The following PTPRG variants were observed in gnomAD, a reference collection of about 807,000 sequenced individuals.
The protein encoded by PTPRG is protein tyrosine phosphatase receptor type G.
A neutral mutation model predicts 165.3 loss-of-function variants in PTPRG; 102 were observed. The observed-to-expected ratio is 0.62, with a 90% CI of 0.53 to 0.73. The LOEUF (loss-of-function observed/expected upper bound fraction) is 0.73. Among genes scored for constraint, PTPRG ranks in the 30% least tolerant of loss-of-function variants. The pLI is 0.00. For synonymous variants in PTPRG, 675 were observed against 669.5 expected, an observed-to-expected ratio of 1.01 and a Z score of -0.13; for missense variants, 1,866 against 1,861.4, an observed-to-expected ratio of 1.00 and a Z score of -0.05.
chr3:62,265,896 T>TATATACACACACACACAC (rs1553662684), intron 17 of PTPRG, among the ~76,000 whole-genome samples: 1,801 of 130,568 alleles, frequency 0.014, 21 homozygotes, highest in African/African-American at 0.023. Flanking sequence ...GTGCCTTATA[T>TATATACACACACACACAC]ACACACACAC....
At chr3:61,739,027 G>C (rs1440398965) in intron 1 of PTPRG, 1 of 93,410 alleles carries the variant, frequency 1.1e-5, no homozygotes, top group African/African-American at 4.1e-5. Context: ...GTCTTGCTTT[G>C]TTGCCTAGAC....
intron 1 of PTPRG, among the ~76,000 whole-genome samples, chr3:61,675,465 T>TA (rs35166212): frequency 0.81 from 122,882 of 152,094 alleles, 49,774 homozygotes; most frequent in East Asian, 0.91. Context: ...AAAAGTTGAT[T>TA]AAAACATATC....
intron 2 of PTPRG, among the ~76,000 whole-genome samples, chr3:61,925,123 TC>T (rs2039176177): frequency 1.3e-5 from 2 of 152,230 alleles, no homozygotes; most frequent in South Asian, 4.1e-4. Flanking sequence ...TCATAGCGGC[TC>T]AAGGTGACTT....
chr3:61,936,601 T>C (rs2039490939), intron 2 of PTPRG, among the ~76,000 whole-genome samples: 1 of 152,144 alleles, frequency 6.6e-6, no homozygotes, highest in Admixed American at 6.5e-5. Context: ...GAGCAAGAGC[T>C]GTGTGTTGAG....
At chr3:61,830,699 C>A (rs749097308) in intron 2 of PTPRG, among the ~76,000 whole-genome samples, 10 of 151,328 alleles carry the variant, frequency 6.6e-5, no homozygotes, top group Non-Finnish European at 1.3e-4. Context: ...CTCAGCCTCC[C>A]GAGTAGCTGG....
intron 2 of PTPRG, among the ~76,000 whole-genome samples, chr3:61,980,278 G>A (rs1332411373): frequency 6.6e-6 from 1 of 152,174 alleles, no homozygotes; most frequent in Admixed American, 6.5e-5. Context: ...GATAACTTGA[G>A]CGGTGGCATG....
chr3:61,642,568 G>C (rs1338223310), intron 1 of PTPRG, among the ~76,000 whole-genome samples: 1 of 152,114 alleles, frequency 6.6e-6, no homozygotes, highest in Admixed American at 6.5e-5. Context: ...GTTCTCTGCA[G>C]ACTCCACCTG....
At chr3:61,938,773 T>C (rs1387874092) in intron 2 of PTPRG, among the ~76,000 whole-genome samples, 1 of 152,236 alleles carries the variant, frequency 6.6e-6, no homozygotes, top group Non-Finnish European at 1.5e-5. Flanking sequence ...AGTTGTCTTT[T>C]TTTCTAGGAG....
chr3:61,634,572 T>C (rs1701855698), intron 1 of PTPRG, among the ~76,000 whole-genome samples: 1 of 151,850 alleles, frequency 6.6e-6, no homozygotes, highest in Admixed American at 6.6e-5. Context: ...ACCATGAAGT[T>C]GTGTTGGATT....
intron 1 of PTPRG, among the ~76,000 whole-genome samples, chr3:61,625,686 C>T (rs1322259920): frequency 6.6e-6 from 1 of 152,064 alleles, no homozygotes; most frequent in East Asian, 1.9e-4. Flanking sequence ...GCCATTGGTG[C>T]CCTGGAGTAT....
intron 1 of PTPRG, among the ~76,000 whole-genome samples, chr3:61,571,739 C>T (rs202177777): frequency 6.6e-6 from 1 of 151,988 alleles, no homozygotes; most frequent in African/African-American, 2.4e-5. Context: ...TGTAGTAATG[C>T]GGTATTTTTA....
chr3:62,087,214 G>A (rs987481209), intron 5 of PTPRG, among the ~76,000 whole-genome samples: 5 of 152,134 alleles, frequency 3.3e-5, no homozygotes, highest in Admixed American at 6.6e-5. Flanking sequence ...GTGATTGACC[G>A]TGGTCCCCTA....
intron 5 of PTPRG, among the ~76,000 whole-genome samples, chr3:62,128,082 T>C (rs1361291004): frequency 6.6e-6 from 1 of 152,240 alleles, no homozygotes; most frequent in African/African-American, 2.4e-5. Context: ...TGGTTGTATC[T>C]AAAGACAACT....
At chr3:61,582,863 G>A (rs1700334787) in intron 1 of PTPRG, among the ~76,000 whole-genome samples, 1 of 152,180 alleles carries the variant, frequency 6.6e-6, no homozygotes, top group Non-Finnish European at 1.5e-5. Context: ...TGTGCAAAAA[G>A]TCCCTAAAGC....
chr3:61,768,847 T>C lies in PTPRG; in HGVS notation c.190+19865T>C, dbSNP rs188236591. ...TCTCCTGAGTTGGCTCAGTGTCTACTATCATAATGATTTCCCCACAGCTTT... is the reference window on the plus strand; with the variant it reads ...TCTCCTGAGTTGGCTCAGTGTCTACCATCATAATGATTTCCCCACAGCTTT... On this transcript the variant is annotated intron_variant, in intron 2 of 29. Coordinates refer to ENST00000474889, the MANE Select transcript of PTPRG (RefSeq NM_002841.4). 2.7e-3 allele frequency among the ~76,000 whole-genome samples: 405 copies of C among 152,292 alleles called. 10 individuals are homozygous for C. The highest frequency in any genetic ancestry group is 0.021 in the Admixed American group (322 of 15,294).
chr3:62,127,186 T>C (rs1030500462), intron 5 of PTPRG, among the ~76,000 whole-genome samples: 1 of 152,222 alleles, frequency 6.6e-6, no homozygotes, highest in Non-Finnish European at 1.5e-5. Flanking sequence ...GATCTCTTTC[T>C]GGGTAAGGGC....
intron 14 of PTPRG, among the ~76,000 whole-genome samples, chr3:62,232,020 A>C (rs1029458611): frequency 1.3e-5 from 2 of 152,170 alleles, no homozygotes. Flanking sequence ...AATATCTTTT[A>C]ATATTAAGTT....
rs564033985 is a variant in PTPRG at position 62,083,124 on chromosome 3, AAAT to A, written c.615+4870_615+4872del. Among the ~76,000 whole-genome samples, 45 of 152,354 alleles carry A rather than the reference AAAT, an allele frequency of 3.0e-4. 2 individuals carry two copies. The South Asian group carries it at 8.9e-3, about 30-fold the overall frequency. ...TTGATTTATGTAAGTACAGAAACTA[AAAT>A]AATTATTTTTTATTTGTTAAAGTAA... On this transcript the variant is annotated intron_variant, in intron 5 of 29. Transcript: ENST00000474889.
intron 1 of PTPRG, among the ~76,000 whole-genome samples, chr3:61,631,379 G>T (rs1430043472): frequency 6.7e-6 from 1 of 149,302 alleles, no homozygotes; most frequent in Admixed American, 6.6e-5. Context: ...AGTATATTTT[G>T]AGAGAGAGAG....
Sources: gnomAD v4.1 joint callset for allele counts (sites outside exome capture counted in the v4.1 genomes callset) on GRCh38, gnomAD v4.1.1 for gene constraint, MANE v1.5 for transcripts, NCBI Gene and HGNC (gene_info 2026-07-23, HGNC 2026-07-21) for gene names.